Variants in LHPP observed in about 807,000 individuals in gnomAD.
LHPP encodes the protein hLHPP.
In LHPP, 24 loss-of-function variants were observed where a neutral mutation model predicts 30.3. The observed-to-expected ratio is 0.79, with a 90% CI of 0.57 to 1.11. LHPP has a LOEUF of 1.11. LHPP is among the 50% of genes most tolerant of loss of function. The probability of loss-of-function intolerance (pLI) is 0.00; values close to 1 mark genes in which losing one functional copy is unlikely to be tolerated. For synonymous variants in LHPP, 150 were observed against 157.1 expected, an observed-to-expected ratio of 0.95 and a Z score of 0.34; for missense variants, 356 against 367.2, an observed-to-expected ratio of 0.97 and a Z score of 0.25.
intron 6 of LHPP, among the ~76,000 whole-genome samples, chr10:124,550,367 G>A (rs1384532826): frequency 6.6e-6 from 1 of 152,242 alleles, no homozygotes; most frequent in Non-Finnish European, 1.5e-5. Flanking sequence ...ACAAGGCACA[G>A]CCTTTCTTGT....
At chr10:124,526,352 C>T (rs559359368) in intron 6 of LHPP, 13 of 422,978 alleles carry the variant, frequency 3.1e-5, no homozygotes, top group African/African-American at 2.6e-4. Context: ...AGAAGCCACC[C>T]GCCTTCTTAC....
rs189926575 is a variant in LHPP, at chr10:124,469,384, G to A, written c.125+7397G>A. ...TTATTGAGGGCCACGGAGCACGGGG[G>A]AAGTAGAAGCTCAACTTTTTAAAAT... On this transcript the variant is annotated intron_variant, in intron 1 of 6. Coordinates refer to ENST00000368842, the MANE Select transcript of LHPP (RefSeq NM_022126.4). Among the ~76,000 whole-genome samples, 516 of 152,190 alleles carry A rather than the reference G, an allele frequency of 3.4e-3. 3 individuals carry two copies. The highest frequency in any genetic ancestry group is 5.4e-3 in the Non-Finnish European group (368 of 68,006).
intron 1 of LHPP, 139 bp downstream of exon 1, chr10:124,462,126 G>C (rs1952419820): frequency 2.5e-6 from 2 of 812,052 alleles, no homozygotes; most frequent in South Asian, 6.2e-5. Context: ...CCACCCCGGT[G>C]CGCGCACAGT....
chr10:124,533,930 T>C (rs1954956822), intron 6 of LHPP, among the ~76,000 whole-genome samples: 1 of 152,122 alleles, frequency 6.6e-6, no homozygotes, highest in South Asian at 2.1e-4. Context: ...ACACAGGGGC[T>C]CAGGGCTTTC....
intron 5 of LHPP, among the ~76,000 whole-genome samples, chr10:124,503,100 A>G (rs997158736): frequency 2.0e-5 from 3 of 149,824 alleles, no homozygotes; most frequent in Admixed American, 2.0e-4. Context: ...ACAGAGTTTC[A>G]CTCCTGTTGC....
chr10:124,470,856 T>C (rs1186414256), intron 1 of LHPP, among the ~76,000 whole-genome samples: 3 of 152,110 alleles, frequency 2.0e-5, no homozygotes, highest in Admixed American at 1.3e-4. Flanking sequence ...AACCTGGACC[T>C]TGGACAAGGG....
chr10:124,566,663 G>A (rs1948495394), intron 6 of LHPP, among the ~76,000 whole-genome samples: 1 of 152,140 alleles, frequency 6.6e-6, no homozygotes, highest in African/African-American at 2.4e-5. Flanking sequence ...GCCTTTTGGG[G>A]TCTTTTGTGC....
chr10:124,541,768 G>A lies in LHPP; in HGVS notation c.716+24497G>A, dbSNP rs1053463475. On this transcript the variant is annotated intron_variant, in intron 6 of 6. Transcript: ENST00000368842. This position sits in a 1 kb window ranked among gnomAD's most constrained non-coding sequence, Gnocchi z 4.2. ...GCTGGACACTGGGGAGGGCTCTAAT[G>A]GTATTTGCACAAATTTGCAATGTTG... 6.6e-6 allele frequency among the ~76,000 whole-genome samples: 1 copy of A among 152,130 alleles called. No homozygotes were observed. Among genetic ancestry groups the A allele is most frequent in the African/African-American group, 2.4e-5 (1 of 41,432 alleles).
chr10:124,556,188 G>C (rs1948296071), intron 6 of LHPP, among the ~76,000 whole-genome samples: 2 of 152,176 alleles, frequency 1.3e-5, no homozygotes, highest in Non-Finnish European at 2.9e-5. Flanking sequence ...ACCATCCAGA[G>C]GTGACGGTGA....
intron 6 of LHPP, among the ~76,000 whole-genome samples, chr10:124,608,780 GT>G (rs1446587620): frequency 6.6e-6 from 1 of 152,236 alleles, no homozygotes; most frequent in African/African-American, 2.4e-5. Context: ...AGAGAAGCCT[GT>G]CATCTGTCCT....
intron 1 of LHPP, among the ~76,000 whole-genome samples, chr10:124,470,498 C>T (rs573873081): frequency 1.3e-5 from 2 of 152,180 alleles, no homozygotes; most frequent in East Asian, 3.9e-4. Flanking sequence ...ACGTAGGTGC[C>T]TCCTAGTAGG....
chr10:124,595,063 G>C (rs1014000018), intron 6 of LHPP, among the ~76,000 whole-genome samples: 1 of 152,182 alleles, frequency 6.6e-6, no homozygotes. Flanking sequence ...CATGAAAACA[G>C]ACTAATACAC....
At chr10:124,553,514 C>A (rs1054685442) in intron 6 of LHPP, among the ~76,000 whole-genome samples, 8 of 136,972 alleles carry the variant, frequency 5.8e-5, no homozygotes, top group East Asian at 2.2e-4. Context: ...GCTGGAGTGC[C>A]GTGGCACAAT....
intron 1 of LHPP, among the ~76,000 whole-genome samples, chr10:124,470,570 G>C (rs1218884365): frequency 6.6e-6 from 1 of 151,970 alleles, no homozygotes; most frequent in Non-Finnish European, 1.5e-5. Context: ...TGGCACCCCA[G>C]TATCCCCTCC....
At chr10:124,487,399 G>A (rs1357075090) in intron 2 of LHPP, among the ~76,000 whole-genome samples, 1 of 151,664 alleles carries the variant, frequency 6.6e-6, no homozygotes. Context: ...CATTCTGGTG[G>A]GTATGAAATC....
At chr10:124,468,024 T>C (rs1952610650) in intron 1 of LHPP, among the ~76,000 whole-genome samples, 1 of 152,166 alleles carries the variant, frequency 6.6e-6, no homozygotes, top group Admixed American at 6.5e-5. Flanking sequence ...AGGGACAGTT[T>C]GAGCCCTGGT....
At chr10:124,504,824 T>C (rs1954013930) in intron 5 of LHPP, among the ~76,000 whole-genome samples, 1 of 152,128 alleles carries the variant, frequency 6.6e-6, no homozygotes, top group Non-Finnish European at 1.5e-5. Context: ...ACAGCCCACC[T>C]CACCGCCGAA....
chr10:124,607,978 GC>G (rs1391340025), intron 6 of LHPP, among the ~76,000 whole-genome samples: 1 of 152,162 alleles, frequency 6.6e-6, no homozygotes, highest in African/African-American at 2.4e-5. Flanking sequence ...GCTGATGCAG[GC>G]CCATGCACAC....
intron 6 of LHPP, among the ~76,000 whole-genome samples, chr10:124,519,168 G>A (rs1036446459): frequency 6.6e-6 from 1 of 152,026 alleles, no homozygotes; most frequent in Non-Finnish European, 1.5e-5. Flanking sequence ...GGCTGGTCTC[G>A]AACTCCTGAC....
Sources: allele counts gnomAD v4.1 joint callset (sites outside exome capture counted in the v4.1 genomes callset), GRCh38; gene constraint gnomAD v4.1.1; non-coding constraint Gnocchi (gnomAD v3.1); transcripts MANE v1.5; gene names NCBI Gene and HGNC (gene_info 2026-07-23, HGNC 2026-07-21).